Variants in C1orf52 observed in about 807,000 individuals in gnomAD.
C1orf52 encodes chromosome 1 open reading frame 52.
C1orf52 carries 5 observed loss-of-function variants against 17.2 expected under a neutral mutation model. That is an observed-to-expected ratio of 0.29 (90% CI 0.15 to 0.61). The LOEUF is 0.61. Among genes scored for constraint, C1orf52 ranks in the 20% least tolerant of loss-of-function variants. The pLI, the probability that C1orf52 is intolerant of heterozygous loss-of-function variation, is 0.85. For missense variants in C1orf52, 245 were observed against 234.1 expected (o/e 1.05, Z -0.30); for synonymous variants, 110 against 88.0 (o/e 1.25, Z -1.40).
At chr1:85,258,775 G>A in intron 1 of C1orf52, 53 bp from the exon 2 acceptor site, 1 of 1,495,168 alleles carries the variant, frequency 6.7e-7, no homozygotes, top group Non-Finnish European at 8.9e-7. Flanking sequence ...TTCCTACGAT[G>A]GACGTGGGCA....
chr1:85,252,657 G>T lies in C1orf52; in HGVS notation c.521C>A (p.Pro174Gln). 1 of 1,613,308 alleles carries T rather than the reference G, an allele frequency of 6.2e-7. No individual in the cohort carries two copies. Among genetic ancestry groups the T allele is most frequent in the Non-Finnish European group, 8.5e-7 (1 of 1,179,610 alleles). The change falls in exon 3 of 3, where the codon CCA (proline) becomes CAA (glutamine). Residue 174 changes from proline to glutamine, a missense_variant. Physicochemically the swap from Pro to Gln is moderately conservative, Grantham distance 76. Coordinates refer to ENST00000471115, the MANE Select transcript of C1orf52 (RefSeq NM_198077.4). The stretch of plus-strand genomic sequence containing the variant: ...CTTTTTCTTCTTTGCTGGTTCTCCT[G>T]GCTCTACTTTGCGCTTTTTAGAAGT... ...EHTSKKRKVEPGEPAKKKK is the reference protein window; with the variant it reads ...EHTSKKRKVEQGEPAKKKK
intron 2 of C1orf52, chr1:85,257,553 G>C: frequency 2.9e-6 from 2 of 688,506 alleles, no homozygotes; most frequent in South Asian, 3.2e-5. Flanking sequence ...CCCGTTGAAG[G>C]GTTTTAAGCA....
Position 85,259,603 on chromosome 1 carries a change from A to G in C1orf52, c.31T>C (p.Tyr11His). MAAEEKDPLS[Y>H]FAAYGSSSSG... The stretch of plus-strand genomic sequence containing the variant: ...CTGCTGCTCCCGTATGCCGCAAAAT[A>G]GCTCAGAGGGTCCTTCTCCTCCGCT... Residue 11 changes from tyrosine to histidine, a missense_variant, in exon 1 of 3, where the codon TAT becomes CAT. Tyr to His is a moderately conservative substitution (Grantham distance 83, BLOSUM62 2). Transcript: ENST00000471115. 1.3e-6 allele frequency: 2 copies of G among 1,581,950 alleles called. No individual in the cohort carries two copies. Among genetic ancestry groups the G allele is most frequent in the Non-Finnish European group, 1.7e-6 (2 of 1,164,988 alleles).
rs1385043053 is a variant in C1orf52 at position 85,251,108 on chromosome 1, T to C, written c.*1521A>G. The C allele has an allele frequency of 6.6e-6, 1 of 152,210 alleles. No homozygotes were observed. Among genetic ancestry groups the C allele is most frequent in the East Asian group, 1.9e-4 (1 of 5,202 alleles). The allele number at this position is 152,210 out of a possible 1,614,324, so 9.4% of individuals were successfully genotyped here. ...ATGACTTTTATGAATTTTAATCTACTTGATACACATGCCTAGGTAAACAAA... is the reference window on the plus strand; with the variant it reads ...ATGACTTTTATGAATTTTAATCTACCTGATACACATGCCTAGGTAAACAAA... On this transcript the variant is annotated 3_prime_UTR_variant, in exon 3 of 3. Coordinates refer to ENST00000471115, the MANE Select transcript of C1orf52 (RefSeq NM_198077.4).
At chr1:85,257,932 C>G (rs567429021) in intron 2 of C1orf52, among the ~76,000 whole-genome samples, 3 of 151,650 alleles carry the variant, frequency 2.0e-5, no homozygotes, top group Non-Finnish European at 4.4e-5. Context: ...ATGGTGAAAC[C>G]CCACCTCTAC....
intron 1 of C1orf52, 138 bp from the exon 2 acceptor site, chr1:85,258,860 C>T: frequency 5.6e-6 from 8 of 1,423,330 alleles, no homozygotes; most frequent in Non-Finnish European, 7.3e-6. Context: ...CACATTTTTC[C>T]ATCAAAATCA....
At chr1:85,257,977 C>T (rs1019902144) in intron 2 of C1orf52, among the ~76,000 whole-genome samples, 18 of 151,822 alleles carry the variant, frequency 1.2e-4, no homozygotes, top group Admixed American at 2.0e-4. Flanking sequence ...AAAACTAGCC[C>T]GGCGTGGTGG....
At position 85,259,328 on chromosome 1, in the gene C1orf52, G is replaced by A. The variant is rs1048256776; in HGVS notation, c.276+30C>T. ...GAGAAAGGGGGCGCAGGCCGGGGCC[G>A]AGACCGAGAAACGGGGTCGGGGACC... is the stretch of plus-strand genomic sequence containing the variant. On this transcript the variant is annotated intron_variant, in intron 1 of 2. Coordinates refer to ENST00000471115, the MANE Select transcript of C1orf52 (RefSeq NM_198077.4). 17 of 1,600,714 alleles carry A rather than the reference G, an allele frequency of 1.1e-5. No individual in the cohort carries two copies. The African/African-American group carries it at 1.5e-4, about 14-fold the overall frequency.
chr1:85,251,047 T>C lies in C1orf52; in HGVS notation c.*1582A>G, dbSNP rs779832737. 4 of 152,234 alleles carry C rather than the reference T, an allele frequency of 2.6e-5. No individual in the cohort carries two copies. The highest frequency in any genetic ancestry group is 5.9e-5 in the Non-Finnish European group (4 of 68,044). The allele number at this position is 152,234 out of a possible 1,614,324, so 9.4% of individuals were successfully genotyped here. A position where few individuals can be genotyped will look rare whatever the true frequency, so the allele number is the denominator to read the frequency against. ...GCCATCATGCTGTTATGGACCTTCA[T>C]TCCACAAAGCACCATGGCTGATGCA... On this transcript the variant is annotated 3_prime_UTR_variant, in exon 3 of 3. Coordinates refer to ENST00000471115, the MANE Select transcript of C1orf52 (RefSeq NM_198077.4).
At chr1:85,254,559 T>C (rs1659881219) in intron 2 of C1orf52, among the ~76,000 whole-genome samples, 1 of 152,092 alleles carries the variant, frequency 6.6e-6, no homozygotes, top group South Asian at 2.1e-4. Context: ...ACCCAGCTAA[T>C]TTTTTGTATT....
chr1:85,255,005 C>T (rs1659896223), intron 2 of C1orf52, among the ~76,000 whole-genome samples: 1 of 152,082 alleles, frequency 6.6e-6, no homozygotes, highest in Non-Finnish European at 1.5e-5. Context: ...GAGCAATGTT[C>T]ATTTATCAAT....
intron 2 of C1orf52, among the ~76,000 whole-genome samples, chr1:85,255,291 C>T (rs541563740): frequency 3.0e-4 from 46 of 152,282 alleles, no homozygotes; most frequent in African/African-American, 1.0e-3. Flanking sequence ...GTGGCTCACA[C>T]CTGTAATCCC....
rs1423855992 is a variant in C1orf52, at chr1:85,252,249, T to G, written c.*380A>C. 1 of 193,226 alleles carries G rather than the reference T, an allele frequency of 5.2e-6. No homozygotes were observed. The highest frequency in any genetic ancestry group is 1.1e-5 in the Non-Finnish European group (1 of 94,484). 12.0% of individuals were successfully genotyped at this position (193,226 alleles called of 1,614,324 possible). ...ATCTATTTACACTGTACAAAGACTG[T>G]TGAAAAGCACCCTACAAGTTCACAG... On this transcript the variant is annotated 3_prime_UTR_variant, in exon 3 of 3. Transcript: ENST00000471115.
At position 85,250,952 on chromosome 1, in the gene C1orf52, C is replaced by CAT. The variant is rs1659787886; in HGVS notation, c.*1675_*1676dup. 1 of 152,124 alleles carries CAT rather than the reference C, an allele frequency of 6.6e-6. No homozygotes were observed. The highest frequency in any genetic ancestry group is 1.5e-5 in the Non-Finnish European group (1 of 68,018). 9.4% of individuals were successfully genotyped at this position (152,124 alleles called of 1,614,324 possible). ...TAGCAATTACTTCAATTTTGGGATTCATATATTTGCAAACCTGGAGGATGG... is the reference window on the plus strand; with the variant it reads ...TAGCAATTACTTCAATTTTGGGATTCATATATATTTGCAAACCTGGAGGATGG... On this transcript the variant is annotated 3_prime_UTR_variant, in exon 3 of 3. Transcript: ENST00000471115.
In C1orf52 at chr1:85,259,468, G is replaced by A. The variant is rs1660035023; in HGVS notation, c.166C>T (p.Leu56Phe). The A allele has an allele frequency of 4.3e-6, 7 of 1,613,860 alleles. No homozygotes were observed. Among genetic ancestry groups the A allele is most frequent in the African/African-American group, 1.3e-5 (1 of 74,934 alleles). ...GGCRNKAEKR[L>F]PGPDELFRSV... The stretch of plus-strand genomic sequence containing the variant: ...CTAAACAGCTCGTCAGGTCCCGGGA[G>A]CCGCTTCTCCGCCTTGTTCCTACAG... Residue 56 changes from leucine (L) to phenylalanine (F), a missense_variant, in exon 1 of 3, where the codon CTC becomes TTC. By Grantham distance (22) the Leu-to-Phe change is conservative. Transcript: ENST00000471115.
intron 1 of C1orf52, 33 bp from the exon 2 acceptor site, chr1:85,258,755 C>T (rs1277396009): frequency 6.4e-7 from 1 of 1,554,244 alleles, no homozygotes; most frequent in Non-Finnish European, 8.7e-7. Flanking sequence ...AGCACTGTGA[C>T]GAACCGAGGT....
At position 85,259,504 on chromosome 1, in the gene C1orf52, A is replaced by C; in HGVS notation, c.130T>G (p.Ser44Ala). 6.2e-7 allele frequency: 1 copy of C among 1,613,670 alleles called. No individual in the cohort carries two copies. Residue 44 changes from serine (S) to alanine (A), a missense_variant, in exon 1 of 3, where the codon TCG becomes GCG. Physicochemically the swap from Ser to Ala is moderately conservative, Grantham distance 99. Transcript: ENST00000471115. ...GCCTTGTTCCTACAGCCGCCCGCCG[A>C]CTTCGCCGGATCCGGGGTTCTGCGA... ...TSRRTPDPAK[S>A]AGGCRNKAEK...
rs1239394965 is a variant in C1orf52, at chr1:85,250,903, T to C, written c.*1726A>G. On this transcript the variant is annotated 3_prime_UTR_variant, in exon 3 of 3. Transcript: ENST00000471115. The stretch of plus-strand genomic sequence containing the variant: ...TCCAAATTCATTACAAAGACTACAA[T>C]CTTAAAAAAACATATTCTTGCTTTA... 1 of 152,190 alleles carries C rather than the reference T, an allele frequency of 6.6e-6. No individual in the cohort carries two copies. The highest frequency in any genetic ancestry group is 1.9e-4 in the East Asian group (1 of 5,200). The allele number at this position is 152,190 out of a possible 1,614,324, so 9.4% of individuals were successfully genotyped here.
At chr1:85,257,506 G>T (rs187402734) in intron 2 of C1orf52, 3 of 716,106 alleles carry the variant, frequency 4.2e-6, no homozygotes, top group Non-Finnish European at 7.8e-6. Flanking sequence ...CTGTGGACAG[G>T]GAGAAAGGGC....
Sources: allele counts gnomAD v4.1 joint callset (sites outside exome capture counted in the v4.1 genomes callset), GRCh38; gene constraint gnomAD v4.1.1; transcripts MANE v1.5; gene names NCBI Gene and HGNC (gene_info 2026-07-23, HGNC 2026-07-21).